The following RNF114 variants were observed in gnomAD, a reference collection of about 807,000 sequenced individuals.
The protein encoded by RNF114 is E3 ubiquitin-protein ligase RNF114.
A neutral mutation model predicts 28.4 loss-of-function variants in RNF114; 6 were observed. The ratio of observed to expected loss-of-function variants is 0.21; its 90% CI spans 0.12 to 0.42. The LOEUF is 0.42. RNF114 is among the 10% of genes least tolerant of loss of function. RNF114 has a pLI of 1.00. For synonymous variants in RNF114, 115 were observed against 116.7 expected (o/e 0.99, Z 0.09); for missense variants, 249 against 311.7 (o/e 0.80, Z 1.51).
intron 1 of RNF114, among the ~76,000 whole-genome samples, chr20:49,939,752 T>TAAAA (rs935830658): frequency 1.5e-5 from 2 of 136,898 alleles, no homozygotes; most frequent in Non-Finnish European, 3.2e-5. Context: ...CCTTCTCACC[T>TAAAA]AAAAAAAAAA....
At chr20:49,952,046 C>G in intron 5 of RNF114, 30 bp from the exon 6 acceptor site, 2 of 1,564,568 alleles carry the variant, frequency 1.3e-6, no homozygotes, top group Non-Finnish European at 1.8e-6. Context: ...GAAACAGTTG[C>G]TGAGGCTGCA....
intron 4 of RNF114, among the ~76,000 whole-genome samples, chr20:49,948,372 C>T (rs2090342725): frequency 6.6e-6 from 1 of 151,964 alleles, no homozygotes; most frequent in South Asian, 2.1e-4. Context: ...CATGTGTTGA[C>T]AGTAACTGCC....
In RNF114 at chr20:49,936,561, C is replaced by T. The variant is rs1244246221; in HGVS notation, c.140+9C>T. 2 of 1,580,772 alleles carry T rather than the reference C, an allele frequency of 1.3e-6. No individual in the cohort carries two copies. Among genetic ancestry groups the T allele is most frequent in the East Asian group, 2.4e-5 (1 of 41,622 alleles). On this transcript the variant is annotated intron_variant, in intron 1 of 5. Coordinates refer to ENST00000244061, the MANE Select transcript of RNF114 (RefSeq NM_018683.4). ...GTGCCCTGCGGACACGTGTAAGCGG[C>T]GAGCCCGGGCCTGGTCGGGGGGCGC...
intron 4 of RNF114, among the ~76,000 whole-genome samples, 184 bp downstream of exon 4, chr20:49,946,434 A>G (rs1203004480): frequency 6.6e-6 from 1 of 152,154 alleles, no homozygotes; most frequent in Non-Finnish European, 1.5e-5. Context: ...CCACTTGGGA[A>G]TAAGCTACAG....
chr20:49,948,950 G>A (rs1351782688), intron 4 of RNF114, among the ~76,000 whole-genome samples: 1 of 152,150 alleles, frequency 6.6e-6, no homozygotes, highest in Non-Finnish European at 1.5e-5. Flanking sequence ...TGTCTTGTGT[G>A]CTGGATTGGA....
In RNF114 at chr20:49,952,193, T is replaced by C; in HGVS notation, c.*52T>C. On this transcript the variant is annotated 3_prime_UTR_variant, in exon 6 of 6. Transcript: ENST00000244061. ...CATGTTACAGAGCTTCCATTACATATTAAACGTGAAATCTATGACTCCTGT... is the reference window on the plus strand; with the variant it reads ...CATGTTACAGAGCTTCCATTACATACTAAACGTGAAATCTATGACTCCTGT... 6.0e-6 allele frequency: 9 copies of C among 1,501,026 alleles called. No homozygotes were observed. The highest frequency in any genetic ancestry group is 7.4e-6 in the Non-Finnish European group (8 of 1,076,820). 93.0% of individuals were successfully genotyped at this position (1,501,026 alleles called of 1,614,324 possible). A position where few individuals can be genotyped will look rare whatever the true frequency, so the allele number is the denominator to read the frequency against.
rs543955159 is a variant in RNF114 at position 49,939,471 on chromosome 20, A to G, written c.141-2090A>G. Among the ~76,000 whole-genome samples the G allele has an allele frequency of 2.4e-5, 3 of 124,976 alleles. No individual in the cohort carries two copies. In the South Asian group the frequency reaches 9.9e-4, roughly 41 times the overall value. 82.0% of individuals were successfully genotyped at this position (124,976 alleles called of 152,430 possible). The stretch of plus-strand genomic sequence containing the variant: ...AGTTCTTTCTGGCAGATTTGGTTAT[A>G]CTGTCTTAATCTATCAGGTTGGGTA... On this transcript the variant is annotated intron_variant, in intron 1 of 5. Coordinates refer to ENST00000244061, the MANE Select transcript of RNF114 (RefSeq NM_018683.4).
At chr20:49,946,335 C>T in intron 4 of RNF114, 85 bp downstream of exon 4, 1 of 664,300 alleles carries the variant, frequency 1.5e-6, no homozygotes, top group Non-Finnish European at 2.6e-6. Flanking sequence ...GTAGAATGAA[C>T]TCCTGTGTGC....
At chr20:49,945,588 C>T in intron 3 of RNF114, 100 bp downstream of exon 3, 1 of 689,806 alleles carries the variant, frequency 1.4e-6, no homozygotes, top group Non-Finnish European at 2.6e-6. Context: ...GTTATGCTGG[C>T]TAAAGCTGAT....
At chr20:49,943,875 T>TATATATATATAC (rs2090318327) in intron 2 of RNF114, 1 of 114,116 alleles carries the variant, frequency 8.8e-6, no homozygotes, top group Non-Finnish European at 2.0e-5. Context: ...CACACAGAGA[T>TATATATATATAC]ATATATATAT....
At chr20:49,947,950 C>G (rs2090340709) in intron 4 of RNF114, among the ~76,000 whole-genome samples, 1 of 151,548 alleles carries the variant, frequency 6.6e-6, no homozygotes, top group South Asian at 2.1e-4. Flanking sequence ...CGCCACCATG[C>G]CCGGCTAATT....
At position 49,953,031 on chromosome 20, in the gene RNF114, A is replaced by G. The variant is rs1302706196; in HGVS notation, c.*890A>G. Reference sequence around the variant, plus strand: ...AAAAATCCTCAGATGAATTAGAAGAAAGAGGTTTGGGGACTCAGCGGATAC... The same window carrying G: ...AAAAATCCTCAGATGAATTAGAAGAGAGAGGTTTGGGGACTCAGCGGATAC... On this transcript the variant is annotated 3_prime_UTR_variant, in exon 6 of 6. Coordinates refer to ENST00000244061, the MANE Select transcript of RNF114 (RefSeq NM_018683.4). The G allele has an allele frequency of 6.6e-6, 1 of 152,164 alleles. No homozygotes were observed. Among genetic ancestry groups the G allele is most frequent in the African/African-American group, 2.4e-5 (1 of 41,442 alleles). 9.4% of individuals were successfully genotyped at this position (152,164 alleles called of 1,614,324 possible). A position where few individuals can be genotyped will look rare whatever the true frequency, so the allele number is the denominator to read the frequency against.
At chr20:49,944,163 G>A (rs917051375) in intron 2 of RNF114, 1 of 151,888 alleles carries the variant, frequency 6.6e-6, no homozygotes, top group Non-Finnish European at 1.5e-5. Flanking sequence ...CTGCCTCCCA[G>A]GCTCAAACCA....
At chr20:49,946,825 G>A (rs1213251734) in intron 4 of RNF114, among the ~76,000 whole-genome samples, 2 of 151,952 alleles carry the variant, frequency 1.3e-5, no homozygotes, top group African/African-American at 4.8e-5. Context: ...TCATAGTTGT[G>A]GGGAAAGAGG....
chr20:49,940,709 G>A (rs989212651), intron 1 of RNF114, among the ~76,000 whole-genome samples: 33 of 148,442 alleles, frequency 2.2e-4, no homozygotes, highest in African/African-American at 8.3e-4. Flanking sequence ...CACCGCGCCT[G>A]GCTGAGCTGA....
chr20:49,949,403 G>A lies in RNF114; in HGVS notation c.621+48G>A, dbSNP rs374136337. The A allele has an allele frequency of 3.0e-5, 45 of 1,478,304 alleles. No individual in the cohort carries two copies. The South Asian group carries it at 3.5e-4, about 12-fold the overall frequency. The allele number at this position is 1,478,304 out of a possible 1,614,324, so 91.6% of individuals were successfully genotyped here. A position where few individuals can be genotyped will look rare whatever the true frequency, so the allele number is the denominator to read the frequency against. The stretch of plus-strand genomic sequence containing the variant: ...GATCCCTCCCCTGGGGGAGTGGCAC[G>A]GCTACTTCACTCTTCTCAAAAGGGG... On this transcript the variant is annotated intron_variant, in intron 5 of 5. Transcript: ENST00000244061.
chr20:49,951,145 G>C (rs1296973646), intron 5 of RNF114, among the ~76,000 whole-genome samples: 1 of 151,970 alleles, frequency 6.6e-6, no homozygotes, highest in East Asian at 1.9e-4. Flanking sequence ...GTGGTATTCG[G>C]TCTTGATGGC....
chr20:49,948,007 G>A (rs985165932), intron 4 of RNF114, among the ~76,000 whole-genome samples: 8 of 151,638 alleles, frequency 5.3e-5, no homozygotes, highest in African/African-American at 1.9e-4. Context: ...AGCCAGGATG[G>A]TCTCGATCTC....
At chr20:49,936,650 A>C in intron 1 of RNF114, 98 bp downstream of exon 1, 1 of 1,430,302 alleles carries the variant, frequency 7.0e-7, no homozygotes, top group Non-Finnish European at 9.3e-7. Flanking sequence ...CAGAGGACCC[A>C]CCCAGAGGGG....
Sources: allele counts gnomAD v4.1 joint callset (sites outside exome capture counted in the v4.1 genomes callset), GRCh38; gene constraint gnomAD v4.1.1; transcripts MANE v1.5; gene names NCBI Gene and HGNC (gene_info 2026-07-23, HGNC 2026-07-21).